The following TAF1B variants were observed in gnomAD, a reference collection of about 807,000 sequenced individuals.
TAF1B encodes the protein TATA box-binding protein-associated factor RNA polymerase I subunit B.
In TAF1B, 61 loss-of-function variants were observed where a neutral mutation model predicts 83.9. That is an observed-to-expected ratio of 0.73 (90% CI 0.59 to 0.90). TAF1B has a LOEUF of 0.90. Among genes scored for constraint, TAF1B ranks in the 40% least tolerant of loss-of-function variants. The pLI is 0.00. For synonymous variants in TAF1B, 221 were observed against 224.6 expected (o/e 0.98, Z 0.14); for missense variants, 625 against 677.0 (o/e 0.92, Z 0.85).
intron 11 of TAF1B, among the ~76,000 whole-genome samples, chr2:9,912,370 ATGTTC>A (rs61023688): frequency 0.51 from 77,422 of 151,118 alleles, 22,748 homozygotes; most frequent in Non-Finnish European, 0.67. Context: ...CAGTTTCTTA[ATGTTC>A]TGTTCTCATT....
rs201824634 is a variant in TAF1B, at chr2:9,862,979, A to G, written c.400-5297A>G. Among the ~76,000 whole-genome samples, 572 of 152,158 alleles carry G rather than the reference A, an allele frequency of 3.8e-3. 2 individuals carry two copies. Among genetic ancestry groups the G allele is most frequent in the Non-Finnish European group, 5.1e-3 (347 of 67,966 alleles). ...TGGAAAGGAACAACCGGTACCAGCC[A>G]CTGCAAAAACATGCCAAATTGTAAA... On this transcript the variant is annotated intron_variant, in intron 5 of 14. Coordinates refer to ENST00000263663, the MANE Select transcript of TAF1B (RefSeq NM_005680.3).
intron 14 of TAF1B, among the ~76,000 whole-genome samples, chr2:9,930,201 T>C (rs1666169581): frequency 6.6e-6 from 1 of 152,186 alleles, no homozygotes; most frequent in African/African-American, 2.4e-5. Context: ...ATCTTAGTTA[T>C]GTCTTGCCTT....
At chr2:9,912,812 C>G (rs1056343320) in intron 11 of TAF1B, among the ~76,000 whole-genome samples, 2 of 152,226 alleles carry the variant, frequency 1.3e-5, no homozygotes, top group African/African-American at 2.4e-5. Flanking sequence ...TCTGTTCTTA[C>G]AGTTCTTTCG....
chr2:9,885,198 T>C (rs568240534), intron 8 of TAF1B, among the ~76,000 whole-genome samples: 3 of 152,212 alleles, frequency 2.0e-5, no homozygotes, highest in Non-Finnish European at 4.4e-5. Flanking sequence ...TAAGTCAGAT[T>C]ACCATCTGTG....
At chr2:9,906,531 A>G (rs1031338295) in intron 9 of TAF1B, among the ~76,000 whole-genome samples, 1 of 152,202 alleles carries the variant, frequency 6.6e-6, no homozygotes, top group Non-Finnish European at 1.5e-5. Context: ...ACAAATATCC[A>G]AAAGAAAGGG....
intron 11 of TAF1B, among the ~76,000 whole-genome samples, chr2:9,912,165 T>G (rs1362605593): frequency 6.6e-6 from 1 of 152,234 alleles, no homozygotes; most frequent in East Asian, 1.9e-4. Context: ...TGTAAAGTGC[T>G]TAGAAGAGTA....
chr2:9,850,265 A>G (rs1663344865), intron 3 of TAF1B, among the ~76,000 whole-genome samples: 1 of 152,184 alleles, frequency 6.6e-6, no homozygotes, highest in African/African-American at 2.4e-5. Context: ...GCATTTCTTA[A>G]GGAACTTCAG....
intron 4 of TAF1B, among the ~76,000 whole-genome samples, chr2:9,853,929 T>C (rs1482740190): frequency 2.6e-5 from 4 of 152,236 alleles, no homozygotes; most frequent in African/African-American, 9.6e-5. Flanking sequence ...TTTAATGTCT[T>C]TCTCTATCTA....
At chr2:9,906,943 T>C (rs576265822) in intron 9 of TAF1B, among the ~76,000 whole-genome samples, 1 of 152,300 alleles carries the variant, frequency 6.6e-6, no homozygotes, top group Admixed American at 6.5e-5. Flanking sequence ...AGTGGCGTGA[T>C]TGTAGCTTAT....
intron 5 of TAF1B, among the ~76,000 whole-genome samples, chr2:9,867,277 A>G (rs1301692429): frequency 1.3e-5 from 2 of 152,164 alleles, no homozygotes; most frequent in East Asian, 1.9e-4. Context: ...AGGAGTTTGA[A>G]TCGTCCAGAA....
At chr2:9,925,435 G>A (rs1030680154) in intron 14 of TAF1B, among the ~76,000 whole-genome samples, 6 of 151,752 alleles carry the variant, frequency 4.0e-5, no homozygotes, top group African/African-American at 9.7e-5. Context: ...GTGAGACTCC[G>A]TCTCAAAAAA....
intron 10 of TAF1B, among the ~76,000 whole-genome samples, chr2:9,911,239 CTCTA>C (rs1665524800): frequency 6.6e-6 from 1 of 152,150 alleles, no homozygotes; most frequent in Non-Finnish European, 1.5e-5. Flanking sequence ...CTTCATAAAT[CTCTA>C]TCTATATCCC....
intron 5 of TAF1B, among the ~76,000 whole-genome samples, chr2:9,859,536 G>A (rs1480016357): frequency 1.3e-5 from 2 of 151,972 alleles, no homozygotes; most frequent in Non-Finnish European, 2.9e-5. Flanking sequence ...ATAGATGCAT[G>A]CCACCATGCC....
intron 2 of TAF1B, among the ~76,000 whole-genome samples, chr2:9,848,654 G>A (rs1321025772): frequency 7.5e-5 from 11 of 146,338 alleles, no homozygotes; most frequent in African/African-American, 2.0e-4. Context: ...CGACGAGAGC[G>A]AAACTCCCTC....
chr2:9,865,794 T>C (rs892720765), intron 5 of TAF1B, among the ~76,000 whole-genome samples: 1 of 151,638 alleles, frequency 6.6e-6, no homozygotes, highest in South Asian at 2.1e-4. Context: ...TATCTACAAC[T>C]ATCTGATCTT....
chr2:9,927,021 T>TA (rs1666062663), intron 14 of TAF1B, among the ~76,000 whole-genome samples: 1 of 16,814 alleles, frequency 5.9e-5, no homozygotes, highest in Non-Finnish European at 1.4e-4. Context: ...TCCCTCCCCC[T>TA]GCCCCCACCC....
chr2:9,913,381 C>T (rs1665590868), intron 12 of TAF1B, 132 bp downstream of exon 12: 2 of 615,368 alleles, frequency 3.3e-6, no homozygotes, highest in Non-Finnish European at 5.6e-6. Flanking sequence ...ATTAGCCCTA[C>T]ACTCTAATTA....
intron 2 of TAF1B, 53 bp from the exon 3 acceptor site, chr2:9,849,320 C>A: frequency 7.3e-7 from 1 of 1,367,044 alleles, no homozygotes; most frequent in Non-Finnish European, 1.0e-6. Flanking sequence ...TGGAAAAATG[C>A]TTAGGGGGAT....
chr2:9,921,219 G>A (rs1193198060), intron 14 of TAF1B, among the ~76,000 whole-genome samples: 1 of 152,078 alleles, frequency 6.6e-6, no homozygotes, highest in African/African-American at 2.4e-5. Context: ...AGCCTTCCAA[G>A]TAGCTGGAAC....
Sources: gnomAD v4.1 joint callset for allele counts (sites outside exome capture counted in the v4.1 genomes callset) on GRCh38, gnomAD v4.1.1 for gene constraint, MANE v1.5 for transcripts, NCBI Gene and HGNC (gene_info 2026-07-23, HGNC 2026-07-21) for gene names.